PRIMA1: variants seen among roughly 807,000 people sequenced by gnomAD.
The protein encoded by PRIMA1 is proline rich membrane anchor 1.
PRIMA1 carries 7 observed loss-of-function variants against 17.5 expected under a neutral mutation model. That is an observed-to-expected ratio of 0.40 (90% CI 0.23 to 0.75). The LOEUF is 0.75. PRIMA1 is among the 30% of genes least tolerant of loss of function. PRIMA1 has a pLI of 0.37. For missense variants in PRIMA1, 200 were observed against 201.8 expected (o/e 0.99, Z 0.05); for synonymous variants, 97 against 77.9 (o/e 1.25, Z -1.29).
At chr14:93,756,099 G>T (rs2076289022) in intron 3 of PRIMA1, among the ~76,000 whole-genome samples, 1 of 152,090 alleles carries the variant, frequency 6.6e-6, no homozygotes, top group South Asian at 2.1e-4. Flanking sequence ...TTAAGTCTGG[G>T]TCTTGCTATG....
chr14:93,749,144 G>A (rs147635862), intron 3 of PRIMA1, among the ~76,000 whole-genome samples: 6 of 152,202 alleles, frequency 3.9e-5, no homozygotes, highest in Non-Finnish European at 8.8e-5. Context: ...CCTGGCCCTT[G>A]GTCCCCTCCC....
rs2076081441 is a variant in PRIMA1, at chr14:93,726,903, ACATATG to A, written c.360-5363_360-5358del. 6.6e-6 allele frequency among the ~76,000 whole-genome samples: 1 copy of A among 152,168 alleles called. No homozygotes were observed. Among genetic ancestry groups the A allele is most frequent in the Non-Finnish European group, 1.5e-5 (1 of 68,030 alleles). On this transcript the variant is annotated intron_variant, in intron 4 of 4. Transcript: ENST00000393140. This position sits in a 1 kb window ranked among gnomAD's most constrained non-coding sequence, Gnocchi z 4.2. ...TGCATGCACACATACATATGAATAC[ACATATG>A]CATATGCATACCTACAGACATATAT...
intron 4 of PRIMA1, among the ~76,000 whole-genome samples, chr14:93,728,388 G>A (rs2076093135): frequency 6.6e-6 from 1 of 152,212 alleles, no homozygotes; most frequent in South Asian, 2.1e-4. Flanking sequence ...CAGGGGATGA[G>A]AAGGACCCTG....
chr14:93,783,814 G>A lies in PRIMA1; in HGVS notation c.93+3812C>T, dbSNP rs555461310. The stretch of plus-strand genomic sequence containing the variant: ...CCCTGGATTTGGTACCTGTAGCAGA[G>A]GTCTGAGGGACACAGTGTTCCCAGC... On this transcript the variant is annotated intron_variant, in intron 2 of 4. Transcript: ENST00000393140. Among the ~76,000 whole-genome samples, 3 of 152,260 alleles carry A rather than the reference G, an allele frequency of 2.0e-5. No homozygotes were observed. The South Asian group carries it at 6.2e-4, about 32-fold the overall frequency.
chr14:93,722,018 G>A (rs755308810), intron 4 of PRIMA1, among the ~76,000 whole-genome samples: 2 of 60,792 alleles, frequency 3.3e-5, no homozygotes, highest in Non-Finnish European at 4.5e-5. Context: ...TAGTGGTGAT[G>A]CTGGTGGTAA....
At chr14:93,743,399 G>A (rs909667403) in intron 3 of PRIMA1, among the ~76,000 whole-genome samples, 8 of 152,230 alleles carry the variant, frequency 5.3e-5, no homozygotes, top group African/African-American at 1.4e-4. Context: ...AGGACCTGGC[G>A]CTTCACTGGC....
At chr14:93,730,915 T>C (rs922869345) in intron 4 of PRIMA1, among the ~76,000 whole-genome samples, 5 of 151,874 alleles carry the variant, frequency 3.3e-5, no homozygotes, top group Non-Finnish European at 4.4e-5. Context: ...GGAGGAGCCA[T>C]ATTGGGATCA....
At chr14:93,777,577 C>T (rs1454104835) in intron 3 of PRIMA1, among the ~76,000 whole-genome samples, 1 of 152,142 alleles carries the variant, frequency 6.6e-6, no homozygotes, top group Non-Finnish European at 1.5e-5. Context: ...ACCTCATGAT[C>T]CACCCACCTC....
chr14:93,787,545 G>A, intron 2 of PRIMA1, 81 bp downstream of exon 2: 1 of 1,529,518 alleles, frequency 6.5e-7, no homozygotes, highest in Non-Finnish European at 8.8e-7. Flanking sequence ...GCTGCAAGAG[G>A]CCAGGGTCTC....
At chr14:93,725,739 G>C (rs778219626) in intron 4 of PRIMA1, 5 of 346,682 alleles carry the variant, frequency 1.4e-5, no homozygotes, top group Non-Finnish European at 1.1e-5. Flanking sequence ...ATAAATGTTT[G>C]TTAGCTCTCA....
chr14:93,758,594 C>CAAAAAAAAAAAAAAA (rs34329291), intron 3 of PRIMA1, among the ~76,000 whole-genome samples: 1 of 81,342 alleles, frequency 1.2e-5, no homozygotes, highest in African/African-American at 5.0e-5. Context: ...GCAAGACTCT[C>CAAAAAAAAAAAAAAA]AAAAAAAAAA....
intron 3 of PRIMA1, among the ~76,000 whole-genome samples, chr14:93,758,016 G>C (rs1486797514): frequency 6.6e-6 from 1 of 152,176 alleles, no homozygotes; most frequent in East Asian, 1.9e-4. Context: ...CCTTTGTGAG[G>C]CTTCTCACTC....
chr14:93,729,672 G>T (rs1399241784), intron 4 of PRIMA1, among the ~76,000 whole-genome samples: 1 of 152,228 alleles, frequency 6.6e-6, no homozygotes, highest in African/African-American at 2.4e-5. Context: ...AGCAGGCAAC[G>T]AGGGAGAGAG....
intron 4 of PRIMA1, among the ~76,000 whole-genome samples, chr14:93,722,044 AGTGGTGATGC>A (rs2076042508): frequency 7.9e-6 from 1 of 126,840 alleles, no homozygotes; most frequent in Non-Finnish European, 1.8e-5. Flanking sequence ...TGGTGGTGGT[AGTGGTGATGC>A]TGGTGGTAAT....
At chr14:93,735,877 C>A (rs946117381) in intron 4 of PRIMA1, among the ~76,000 whole-genome samples, 2 of 152,076 alleles carry the variant, frequency 1.3e-5, no homozygotes, top group South Asian at 2.1e-4. Context: ...TTAGTAGAGA[C>A]GGGGTTTCAC....
intron 3 of PRIMA1, among the ~76,000 whole-genome samples, chr14:93,759,801 G>C (rs1342035825): frequency 3.9e-5 from 6 of 152,316 alleles, no homozygotes; most frequent in African/African-American, 1.4e-4. Flanking sequence ...GCAGTGGGGA[G>C]GGGGAGGTGT....
At chr14:93,745,020 C>A (rs73336299) in intron 3 of PRIMA1, among the ~76,000 whole-genome samples, 1 of 143,388 alleles carries the variant, frequency 7.0e-6, no homozygotes, top group African/African-American at 2.5e-5. Context: ...TAGCCCGGGG[C>A]GGGGGTGGGA....
chr14:93,735,478 G>T (rs556217421), intron 4 of PRIMA1, among the ~76,000 whole-genome samples: 1 of 152,234 alleles, frequency 6.6e-6, no homozygotes, highest in Admixed American at 6.5e-5. Flanking sequence ...TTATGGTCCA[G>T]ATCAGAATGC....
rs112245926 is a variant in PRIMA1, at chr14:93,776,414, G to A, written c.229+2762C>T. Among the ~76,000 whole-genome samples, 999 of 152,214 alleles carry A rather than the reference G, an allele frequency of 6.6e-3. 8 individuals carry two copies. The highest frequency in any genetic ancestry group is 0.022 in the African/African-American group (934 of 41,520). On this transcript the variant is annotated intron_variant, in intron 3 of 4. Transcript: ENST00000393140. ...ATGAGTTCTCTCTGTACTCAACCAA[G>A]CACTCTCCTCTAGCCTCCTCCCATC...
Sources: allele counts gnomAD v4.1 joint callset (sites outside exome capture counted in the v4.1 genomes callset), GRCh38; gene constraint gnomAD v4.1.1; non-coding constraint Gnocchi (gnomAD v3.1); transcripts MANE v1.5; gene names NCBI Gene and HGNC (gene_info 2026-07-23, HGNC 2026-07-21).